Variants in PXDNL observed in about 807,000 individuals in gnomAD.
PXDNL encodes probable oxidoreductase PXDNL.
A neutral mutation model predicts 150.8 loss-of-function variants in PXDNL; 145 were observed. That is an observed-to-expected ratio of 0.96 (90% confidence interval 0.84 to 1.10). The LOEUF is 1.10. Among genes scored for constraint, PXDNL ranks in the 50% least tolerant of loss-of-function variants. The pLI, the probability that PXDNL is intolerant of heterozygous loss-of-function variation, is 0.00. For synonymous variants in PXDNL, 757 were observed against 725.7 expected (o/e 1.04, Z -0.69); for missense variants, 2,087 against 1,873.9 (o/e 1.11, Z -2.10).
chr8:51,743,373 G>A (rs2036928044), intron 1 of PXDNL, among the ~76,000 whole-genome samples: 1 of 151,324 alleles, frequency 6.6e-6, no homozygotes, highest in South Asian at 2.1e-4. Context: ...GCCTGCCACC[G>A]TGCCTGGCTA....
chr8:51,578,030 G>GA, intron 3 of PXDNL, among the ~76,000 whole-genome samples: 1 of 128,252 alleles, frequency 7.8e-6, no homozygotes, highest in African/African-American at 3.4e-5. Context: ...AGGAAGGAAG[G>GA]AAGGAAGGAA....
chr8:51,405,249 G>C (rs746776609), intron 17 of PXDNL, among the ~76,000 whole-genome samples: 1 of 152,214 alleles, frequency 6.6e-6, no homozygotes, highest in Non-Finnish European at 1.5e-5. Flanking sequence ...GGGGTGAAGG[G>C]CTCCTCAACA....
chr8:51,504,607 A>G (rs948250682), intron 4 of PXDNL, among the ~76,000 whole-genome samples: 3 of 152,206 alleles, frequency 2.0e-5, no homozygotes, highest in Non-Finnish European at 4.4e-5. Context: ...TTGCAATGTA[A>G]TATTTGAGTG....
chr8:51,500,486 G>T (rs1008825315), intron 4 of PXDNL, among the ~76,000 whole-genome samples: 1 of 152,222 alleles, frequency 6.6e-6, no homozygotes, highest in Non-Finnish European at 1.5e-5. Flanking sequence ...TTCCAAAGCA[G>T]ACAGTTGAGC....
intron 8 of PXDNL, among the ~76,000 whole-genome samples, chr8:51,469,573 T>A (rs1810278858): frequency 6.6e-6 from 1 of 152,052 alleles, no homozygotes. Flanking sequence ...GTCTAATCAG[T>A]TTTTAATCCA....
In PXDNL at chr8:51,371,903, C is replaced by G; in HGVS notation, c.3871G>C (p.Asp1291His). The change falls in exon 19 of 23, where the codon GAC (aspartate) becomes CAC (histidine). Residue 1291 changes from aspartate (D) to histidine (H), a missense_variant. Transcript: ENST00000356297. ...YLNCSEIPKV[D>H]LRVWQDCCAD... Reference sequence around the variant, plus strand: ...CAGCAGTCTTGCCACACTCGCAGGTCCACCTTCGGGATCTCGCTGCAGTTC... The same window carrying G: ...CAGCAGTCTTGCCACACTCGCAGGTGCACCTTCGGGATCTCGCTGCAGTTC... The G allele has an allele frequency of 6.2e-7, 1 of 1,613,970 alleles. No homozygotes were observed. The highest frequency in any genetic ancestry group is 8.5e-7 in the Non-Finnish European group (1 of 1,179,880).
intron 1 of PXDNL, among the ~76,000 whole-genome samples, chr8:51,723,651 G>A (rs1312420516): frequency 6.6e-6 from 1 of 152,162 alleles, no homozygotes; most frequent in Non-Finnish European, 1.5e-5. Flanking sequence ...CCTATGTGGC[G>A]GGAGCAATTC....
intron 4 of PXDNL, among the ~76,000 whole-genome samples, chr8:51,503,883 A>T (rs1393842772): frequency 6.6e-6 from 1 of 152,138 alleles, no homozygotes; most frequent in Admixed American, 6.5e-5. Flanking sequence ...CATGCACCCA[A>T]TGTCTTCTTA....
chr8:51,556,131 G>C (rs1585577049), intron 4 of PXDNL, among the ~76,000 whole-genome samples: 2 of 151,974 alleles, frequency 1.3e-5, no homozygotes, highest in East Asian at 3.9e-4. Flanking sequence ...AATTAGCTGG[G>C]CATGATGGGG....
At chr8:51,441,293 C>T (rs1190756610) in intron 12 of PXDNL, among the ~76,000 whole-genome samples, 1 of 152,170 alleles carries the variant, frequency 6.6e-6, no homozygotes, top group Non-Finnish European at 1.5e-5. Context: ...TTATAAATTA[C>T]CCAGTCTCAG....
At chr8:51,737,244 C>T (rs80134329) in intron 1 of PXDNL, among the ~76,000 whole-genome samples, 285 of 152,344 alleles carry the variant, frequency 1.9e-3, no homozygotes, top group Non-Finnish European at 3.1e-3. Flanking sequence ...ATGGAAACAT[C>T]ATGTATCCTC....
At chr8:51,735,555 T>TTTTTTTTTG (rs1817020282) in intron 1 of PXDNL, among the ~76,000 whole-genome samples, 1 of 114,712 alleles carries the variant, frequency 8.7e-6, no homozygotes, top group African/African-American at 3.5e-5. Flanking sequence ...TTTTTTTTTT[T>TTTTTTTTTG]TTTTTTTTTG....
At chr8:51,397,302 T>C (rs1178545334) in intron 17 of PXDNL, among the ~76,000 whole-genome samples, 2 of 152,248 alleles carry the variant, frequency 1.3e-5, no homozygotes, top group Non-Finnish European at 2.9e-5. Flanking sequence ...ACTATTACTT[T>C]TAAAGATTTT....
intron 1 of PXDNL, among the ~76,000 whole-genome samples, chr8:51,672,432 G>C (rs1157005364): frequency 6.6e-6 from 1 of 152,206 alleles, no homozygotes; most frequent in Non-Finnish European, 1.5e-5. Flanking sequence ...TTTCACATTA[G>C]AAGGAGGTTT....
At chr8:51,737,811 C>T (rs1485920352) in intron 1 of PXDNL, among the ~76,000 whole-genome samples, 2 of 152,118 alleles carry the variant, frequency 1.3e-5, no homozygotes, top group South Asian at 4.2e-4. Flanking sequence ...CATTAATACT[C>T]ATTGCTCCTG....
chr8:51,320,160 C>A, intron 22 of PXDNL, 138 bp from the exon 23 acceptor site: 1 of 688,088 alleles, frequency 1.5e-6, no homozygotes, highest in Non-Finnish European at 2.1e-6. Context: ...AGTATGAGCT[C>A]ATTTTTGCAT....
At chr8:51,663,579 A>C (rs1815320587) in intron 1 of PXDNL, among the ~76,000 whole-genome samples, 1 of 152,210 alleles carries the variant, frequency 6.6e-6, no homozygotes, top group Non-Finnish European at 1.5e-5. Flanking sequence ...GATCATTAAA[A>C]GCATCTGAAA....
chr8:51,684,031 T>C (rs1815817846), intron 1 of PXDNL, among the ~76,000 whole-genome samples: 3 of 152,248 alleles, frequency 2.0e-5, no homozygotes, highest in Admixed American at 2.0e-4. Context: ...CCAGTTTAAA[T>C]TAGCAGTTCA....
chr8:51,416,452 T>G (rs1329461082), intron 14 of PXDNL, among the ~76,000 whole-genome samples: 1 of 152,238 alleles, frequency 6.6e-6, no homozygotes, highest in East Asian at 1.9e-4. Context: ...ATAGGGATTT[T>G]GCAGCACTTG....
Sources: allele counts gnomAD v4.1 joint callset (sites outside exome capture counted in the v4.1 genomes callset), GRCh38; gene constraint gnomAD v4.1.1; transcripts MANE v1.5; gene names NCBI Gene and HGNC (gene_info 2026-07-23, HGNC 2026-07-21).